Variants in PRKCH observed in about 807,000 individuals in gnomAD.
PRKCH encodes the protein protein kinase C eta type.
In PRKCH, 28 loss-of-function variants were observed where a neutral mutation model predicts 82.5. The observed-to-expected ratio is 0.34, with a 90% CI of 0.25 to 0.47. The LOEUF (loss-of-function observed/expected upper bound fraction) is 0.47. Ranked by LOEUF, PRKCH falls within the 20% of genes least tolerant of loss-of-function variation. The pLI, the probability that PRKCH is intolerant of heterozygous loss-of-function variation, is 1.00. For missense variants in PRKCH, 705 were observed against 881.8 expected, an observed-to-expected ratio of 0.80 and a Z score of 2.54; for synonymous variants, 322 against 327.4, an observed-to-expected ratio of 0.98 and a Z score of 0.18.
intron 1 of PRKCH, chr14:61,304,065 T>C (rs550776770): frequency 6.6e-6 from 1 of 152,180 alleles, no homozygotes; most frequent in Non-Finnish European, 1.5e-5. Flanking sequence ...ACTACCATAG[T>C]AGTCAGCACA....
At chr14:61,235,468 C>T (rs2044780087) in intron 1 of PRKCH, among the ~76,000 whole-genome samples, 1 of 152,190 alleles carries the variant, frequency 6.6e-6, no homozygotes, top group African/African-American at 2.4e-5. Context: ...AAAGAATTTG[C>T]CCCTACCAGC....
chr14:61,485,712 A>G, intron 10 of PRKCH, 56 bp downstream of exon 10: 1 of 1,535,846 alleles, frequency 6.5e-7, no homozygotes, highest in Non-Finnish European at 8.9e-7. Context: ...CTCTCCTGGT[A>G]TGATCCATCC....
chr14:61,457,220 C>T lies in PRKCH; in HGVS notation c.1005C>T (p.Ser335=), dbSNP rs754418354. 1 of 1,614,156 alleles carries T rather than the reference C, an allele frequency of 6.2e-7. No individual in the cohort carries two copies. The highest frequency in any genetic ancestry group is 1.1e-5 in the South Asian group (1 of 91,080). The change falls in exon 8 of 14, where the codon AGC becomes AGT. Residue 335 remains serine (S), a synonymous_variant. Transcript: ENST00000332981. ...CCCTAAGACGACAGGGAAAGGAGAGCAGCAAAGAAGGAAATGGGATTGGGG... is the reference window on the plus strand; with the variant it reads ...CCCTAAGACGACAGGGAAAGGAGAGTAGCAAAGAAGGAAATGGGATTGGGG... ...RSTLRRQGKE[S]SKEGNGIGVN... is the part of the protein sequence containing the mutation.
At chr14:61,389,222 T>C (rs2046635466) in intron 1 of PRKCH, among the ~76,000 whole-genome samples, 1 of 152,086 alleles carries the variant, frequency 6.6e-6, no homozygotes, top group African/African-American at 2.4e-5. Flanking sequence ...TGATGGCATG[T>C]GCCTGTGGTC....
intron 1 of PRKCH, among the ~76,000 whole-genome samples, chr14:61,193,594 T>C (rs1300558200): frequency 6.6e-6 from 1 of 152,222 alleles, no homozygotes; most frequent in South Asian, 2.1e-4. Context: ...GTGATAAATG[T>C]TTCATGACCA....
In PRKCH at chr14:61,445,120, G is replaced by A. The variant is rs185831371; in HGVS notation, c.579-572G>A. On this transcript the variant is annotated intron_variant, in intron 3 of 13. Coordinates refer to ENST00000332981, the MANE Select transcript of PRKCH (RefSeq NM_006255.5). ...TAATGAGAATGAGAATACTCCTAATGTTACCATCATTATCATCACCCATAG... is the reference window on the plus strand; with the variant it reads ...TAATGAGAATGAGAATACTCCTAATATTACCATCATTATCATCACCCATAG... 9.2e-5 allele frequency among the ~76,000 whole-genome samples: 14 copies of A among 152,316 alleles called. No homozygotes were observed. In the East Asian group the frequency reaches 2.7e-3, roughly 29 times the overall value.
chr14:61,455,535 C>A (rs1190670990), intron 7 of PRKCH, among the ~76,000 whole-genome samples: 1 of 152,114 alleles, frequency 6.6e-6, no homozygotes, highest in East Asian at 1.9e-4. Context: ...GGTAGGCGGG[C>A]AGGATGCCAA....
chr14:61,279,942 A>T (rs1594887998), intron 1 of PRKCH: 2 of 675,752 alleles, frequency 3.0e-6, no homozygotes, highest in East Asian at 5.6e-5. Context: ...CCCAAGAGCA[A>T]GGGGGGTAAT....
At chr14:61,327,818 G>T (rs1179146331) in intron 1 of PRKCH, among the ~76,000 whole-genome samples, 1 of 152,168 alleles carries the variant, frequency 6.6e-6, no homozygotes, top group Non-Finnish European at 1.5e-5. Context: ...TTATGTGATT[G>T]GGGGACAAGT....
chr14:61,276,984 G>A (rs991102781), intron 1 of PRKCH, among the ~76,000 whole-genome samples: 2 of 152,092 alleles, frequency 1.3e-5, no homozygotes, highest in Non-Finnish European at 2.9e-5. Context: ...AGAAGGTCAA[G>A]ACCAGCCTGA....
chr14:61,289,229 G>T (rs1440871969), intron 1 of PRKCH, among the ~76,000 whole-genome samples: 2 of 152,180 alleles, frequency 1.3e-5, no homozygotes, highest in South Asian at 4.1e-4. Context: ...AAAGGAAGGG[G>T]ACCAGCATGA....
At chr14:61,428,745 T>G (rs576944357) in intron 2 of PRKCH, among the ~76,000 whole-genome samples, 2 of 152,330 alleles carry the variant, frequency 1.3e-5, no homozygotes, top group East Asian at 1.9e-4. Flanking sequence ...GGAGCTCTTG[T>G]TTTGGGAAAA....
At chr14:61,354,404 TTGTGTGTG>T (rs3028729) in intron 1 of PRKCH, among the ~76,000 whole-genome samples, 143 of 148,402 alleles carry the variant, frequency 9.6e-4, no homozygotes, top group South Asian at 2.2e-3. Flanking sequence ...CTGTTTCTAT[TTGTGTGTG>T]TGTGTGTGTG....
intron 1 of PRKCH, chr14:61,281,343 A>C (rs2045264526): frequency 2.8e-6 from 1 of 363,488 alleles, no homozygotes; most frequent in Non-Finnish European, 5.1e-6. Context: ...AGCAGTGCCC[A>C]CACCCTCCCA....
At chr14:61,315,888 C>T (rs937594737) in intron 1 of PRKCH, among the ~76,000 whole-genome samples, 1 of 151,618 alleles carries the variant, frequency 6.6e-6, no homozygotes, top group Non-Finnish European at 1.5e-5. Context: ...GCTGGGATTA[C>T]AGGGACATAC....
chr14:61,455,230 G>T lies in PRKCH; in HGVS notation c.960+1877G>T, dbSNP rs1211568638. ...ATTTTTTTTTTTTTTAGTAGAGATG[G>T]GGGGTTTCAACGTGTTACCCAGGAT... On this transcript the variant is annotated intron_variant, in intron 7 of 13. Transcript: ENST00000332981. 8.1e-5 allele frequency among the ~76,000 whole-genome samples: 12 copies of T among 148,994 alleles called. No individual in the cohort carries two copies. The East Asian group carries it at 2.4e-3, about 29-fold the overall frequency.
In PRKCH at chr14:61,206,310, C is replaced by A. The variant is rs571685054; in HGVS notation, c.-19+18642C>A. On this transcript the variant is annotated intron_variant, in intron 1 of 3. Transcript: ENST00000555185. The stretch of plus-strand genomic sequence containing the variant: ...GGCTCTAGGGAAGAAGGCTTCCTTG[C>A]CTCTTCCTAGCTCCCAGCAGTTCTT... 1.9e-4 allele frequency among the ~76,000 whole-genome samples: 29 copies of A among 152,318 alleles called. No individual in the cohort carries two copies. The South Asian group carries it at 4.3e-3, about 23-fold the overall frequency.
intron 9 of PRKCH, among the ~76,000 whole-genome samples, chr14:61,480,999 C>G (rs984983694): frequency 6.6e-6 from 1 of 152,058 alleles, no homozygotes; most frequent in Non-Finnish European, 1.5e-5. Context: ...AAGCTTCCCC[C>G]CAAACCCCAC....
chr14:61,362,974 C>G (rs1228323674), intron 1 of PRKCH, among the ~76,000 whole-genome samples: 1 of 152,192 alleles, frequency 6.6e-6, no homozygotes, highest in African/African-American at 2.4e-5. Flanking sequence ...GCAAGACTTC[C>G]TGGAGAAGTC....
Sources: allele counts gnomAD v4.1 joint callset (sites outside exome capture counted in the v4.1 genomes callset), GRCh38; gene constraint gnomAD v4.1.1; transcripts MANE v1.5; gene names NCBI Gene and HGNC (gene_info 2026-07-23, HGNC 2026-07-21).